The following ADCY2 variants were observed in gnomAD, a reference collection of about 807,000 sequenced individuals.
ADCY2 encodes adenylate cyclase 2.
A neutral mutation model predicts 125.2 loss-of-function variants in ADCY2; 31 were observed. The observed-to-expected ratio is 0.25, with a 90% confidence interval of 0.19 to 0.33. The LOEUF is 0.33. Among genes scored for constraint, ADCY2 ranks in the 10% least tolerant of loss-of-function variants. The pLI is 1.00. For missense variants in ADCY2, 904 were observed against 1,418.2 expected (o/e 0.64, Z 5.82); for synonymous variants, 512 against 548.4 (o/e 0.93, Z 0.93).
At chr5:7,476,924 A>G (rs552378124) in intron 2 of ADCY2, among the ~76,000 whole-genome samples, 1 of 152,332 alleles carries the variant, frequency 6.6e-6, no homozygotes, top group East Asian at 1.9e-4. Context: ...GGAGTAGCCA[A>G]ACTTTGGAGG....
intron 16 of ADCY2, among the ~76,000 whole-genome samples, chr5:7,765,235 C>T (rs1212647528): frequency 6.6e-6 from 1 of 152,040 alleles, no homozygotes; most frequent in Non-Finnish European, 1.5e-5. Context: ...GACTAGTAAC[C>T]CACCAAGCTA....
intron 15 of ADCY2, chr5:7,746,166 A>C (rs1022750786): frequency 1.3e-5 from 2 of 152,414 alleles, no homozygotes; most frequent in African/African-American, 4.8e-5. Flanking sequence ...TGGTATCACA[A>C]AGGGAAGATT....
At chr5:7,459,314 C>A (rs558304373) in intron 2 of ADCY2, among the ~76,000 whole-genome samples, 1 of 152,168 alleles carries the variant, frequency 6.6e-6, no homozygotes, top group Non-Finnish European at 1.5e-5. Flanking sequence ...GCAGAGTGAA[C>A]ACTTGCCTAA....
intron 3 of ADCY2, among the ~76,000 whole-genome samples, chr5:7,543,940 G>A (rs1735074031): frequency 6.7e-6 from 1 of 149,062 alleles, no homozygotes; most frequent in African/African-American, 2.5e-5. Flanking sequence ...CATGAACCCG[G>A]GAGTCGGAGG....
intron 22 of ADCY2, among the ~76,000 whole-genome samples, chr5:7,807,097 G>A (rs1198625177): frequency 6.6e-6 from 1 of 151,928 alleles, no homozygotes; most frequent in Non-Finnish European, 1.5e-5. Flanking sequence ...ACTTTGGCAG[G>A]GCCTCGGAGT....
At chr5:7,475,594 C>T (rs1742494547) in intron 2 of ADCY2, among the ~76,000 whole-genome samples, 1 of 152,160 alleles carries the variant, frequency 6.6e-6, no homozygotes, top group Non-Finnish European at 1.5e-5. Flanking sequence ...GTTGGCCAGG[C>T]TGTTCTCGAA....
chr5:7,414,370 T>C (rs750749161), intron 1 of ADCY2, among the ~76,000 whole-genome samples: 40 of 152,294 alleles, frequency 2.6e-4, no homozygotes, highest in African/African-American at 6.0e-4. Flanking sequence ...ATATCCAACA[T>C]TGGATTATCT....
At chr5:7,466,951 A>G (rs1230677823) in intron 2 of ADCY2, among the ~76,000 whole-genome samples, 1 of 152,162 alleles carries the variant, frequency 6.6e-6, no homozygotes, top group Non-Finnish European at 1.5e-5. Context: ...CATTTAGTAG[A>G]AACCATCCTT....
At chr5:7,639,643 A>G (rs1738625809) in intron 4 of ADCY2, among the ~76,000 whole-genome samples, 1 of 152,150 alleles carries the variant, frequency 6.6e-6, no homozygotes, top group African/African-American at 2.4e-5. Context: ...GTTAAATGCA[A>G]TTTTTGCATA....
chr5:7,625,563 T>G (rs1579248477), intron 3 of ADCY2, among the ~76,000 whole-genome samples: 1 of 152,344 alleles, frequency 6.6e-6, no homozygotes, highest in South Asian at 2.1e-4. Flanking sequence ...GAATAATGAG[T>G]TATATGTTTT....
intron 8 of ADCY2, 48 bp from the exon 9 acceptor site, chr5:7,707,658 A>C: frequency 6.3e-7 from 1 of 1,596,794 alleles, no homozygotes; most frequent in Non-Finnish European, 8.5e-7. Context: ...ACCTTTCTTC[A>C]CACTTATCCT....
chr5:7,489,486 C>A (rs1277398950), intron 2 of ADCY2, among the ~76,000 whole-genome samples: 3 of 152,172 alleles, frequency 2.0e-5, no homozygotes, highest in African/African-American at 7.2e-5. Context: ...TCTATCACAT[C>A]CCTGTGCCTG....
At chr5:7,518,427 T>C (rs1172904460) in intron 2 of ADCY2, among the ~76,000 whole-genome samples, 7 of 152,186 alleles carry the variant, frequency 4.6e-5, no homozygotes, top group African/African-American at 7.2e-5. Context: ...GACAATACTT[T>C]TTGCCTTGGT....
intron 16 of ADCY2, among the ~76,000 whole-genome samples, chr5:7,765,307 G>A (rs942063084): frequency 1.3e-5 from 2 of 152,022 alleles, no homozygotes; most frequent in African/African-American, 2.4e-5. Context: ...TGAATTTTTG[G>A]TCTATCAAAT....
chr5:7,606,702 A>G (rs577538268), intron 3 of ADCY2, among the ~76,000 whole-genome samples: 10 of 152,142 alleles, frequency 6.6e-5, no homozygotes, highest in Non-Finnish European at 1.5e-4. Context: ...ACATCAGAAC[A>G]CTCATTTAAC....
At chr5:7,764,031 G>A (rs1392549402) in intron 16 of ADCY2, among the ~76,000 whole-genome samples, 2 of 152,178 alleles carry the variant, frequency 1.3e-5, no homozygotes, top group Admixed American at 1.3e-4. Flanking sequence ...GGGTCAACGG[G>A]AACAGTGTGT....
At chr5:7,668,693 G>A (rs751362513) in intron 4 of ADCY2, among the ~76,000 whole-genome samples, 1 of 152,200 alleles carries the variant, frequency 6.6e-6, no homozygotes, top group East Asian at 1.9e-4. Flanking sequence ...AGAGAAAAGA[G>A]TATGGCATTA....
chr5:7,825,867 G>A (rs373620668), intron 24 of ADCY2, among the ~76,000 whole-genome samples: 56 of 152,364 alleles, frequency 3.7e-4, no homozygotes, highest in South Asian at 1.9e-3. Context: ...GTACTGGACA[G>A]TGCATCTCCG....
intron 4 of ADCY2, among the ~76,000 whole-genome samples, chr5:7,645,625 C>T (rs1240013653): frequency 1.3e-5 from 2 of 152,208 alleles, no homozygotes; most frequent in African/African-American, 4.8e-5. Context: ...CCAGTAACAA[C>T]TTTATCCCCA....
Sources: allele counts gnomAD v4.1 joint callset (sites outside exome capture counted in the v4.1 genomes callset), GRCh38; gene constraint gnomAD v4.1.1; transcripts MANE v1.5; gene names NCBI Gene and HGNC (gene_info 2026-07-23, HGNC 2026-07-21).